DLG2: variants seen among roughly 807,000 people sequenced by gnomAD.
DLG2 encodes disks large homolog 2.
A neutral mutation model predicts 132.5 loss-of-function variants in DLG2; 45 were observed. The observed-to-expected ratio is 0.34, with a 90% CI of 0.27 to 0.44. The LOEUF (loss-of-function observed/expected upper bound fraction) is 0.44. DLG2 is among the 20% of genes least tolerant of loss of function. DLG2 has a pLI of 1.00. For synonymous variants in DLG2, 424 were observed against 419.6 expected, an observed-to-expected ratio of 1.01 and a Z score of -0.13; for missense variants, 1,045 against 1,196.9, an observed-to-expected ratio of 0.87 and a Z score of 1.87.
intron 5 of DLG2, among the ~76,000 whole-genome samples, chr11:85,132,428 T>A (rs1245656185): frequency 6.6e-6 from 1 of 152,060 alleles, no homozygotes; most frequent in Non-Finnish European, 1.5e-5. Context: ...ATATGTTAAG[T>A]TAAACTGATG....
chr11:84,362,341 C>T (rs924483299), intron 7 of DLG2, among the ~76,000 whole-genome samples: 1 of 151,926 alleles, frequency 6.6e-6, no homozygotes, highest in Non-Finnish European at 1.5e-5. Context: ...TAATCACTTC[C>T]TCCAAATTAA....
chr11:85,141,993 C>A (rs2076517830), intron 5 of DLG2, among the ~76,000 whole-genome samples: 1 of 151,818 alleles, frequency 6.6e-6, no homozygotes, highest in Admixed American at 6.6e-5. Context: ...TAATGCAATT[C>A]CTCCAGCTTT....
chr11:85,192,917 T>G (rs2080714665), intron 4 of DLG2, among the ~76,000 whole-genome samples: 1 of 152,218 alleles, frequency 6.6e-6, no homozygotes, highest in Non-Finnish European at 1.5e-5. Flanking sequence ...TTGTTCTCTT[T>G]AGGCTTTGAA....
At chr11:83,636,541 A>G (rs1299611603) in intron 18 of DLG2, among the ~76,000 whole-genome samples, 1 of 152,140 alleles carries the variant, frequency 6.6e-6, no homozygotes, top group Non-Finnish European at 1.5e-5. Flanking sequence ...ATTTCCGTCA[A>G]ATAACTACCA....
chr11:84,558,264 T>C (rs2099415956), intron 6 of DLG2, among the ~76,000 whole-genome samples: 1 of 152,194 alleles, frequency 6.6e-6, no homozygotes. Context: ...GTGTGCAGCA[T>C]TCACTGTCAG....
chr11:84,049,679 G>A (rs568466951), intron 11 of DLG2, among the ~76,000 whole-genome samples: 2 of 151,838 alleles, frequency 1.3e-5, no homozygotes, highest in African/African-American at 2.4e-5. Flanking sequence ...AATGACTTAG[G>A]GTTAGAATTA....
intron 14 of DLG2, among the ~76,000 whole-genome samples, chr11:83,930,916 T>C (rs1349642300): frequency 6.6e-6 from 1 of 152,336 alleles, no homozygotes; most frequent in Non-Finnish European, 1.5e-5. Flanking sequence ...CATAGTGGAA[T>C]ATAAAGATAG....
intron 3 of DLG2, among the ~76,000 whole-genome samples, chr11:85,446,829 A>T (rs1597403980): frequency 6.9e-6 from 1 of 145,556 alleles, no homozygotes; most frequent in Non-Finnish European, 1.5e-5. Flanking sequence ...GTGTGTGTTT[A>T]TATATTGATA....
rs1597442597 is a variant in DLG2 at position 84,758,351 on chromosome 11, G to A, written c.358-223620C>T. ...GTTGAATTCTGGCTCTTAACATTTA[G>A]ATATGACCTGAGACAAACTATTTGC... On this transcript the variant is annotated intron_variant, in intron 6 of 27. Coordinates refer to ENST00000376104, the MANE Select transcript of DLG2 (RefSeq NM_001142699.3). 2.6e-5 allele frequency among the ~76,000 whole-genome samples: 4 copies of A among 152,290 alleles called. 1 individual carries two copies. The highest frequency in any genetic ancestry group is 4.8e-5 in the African/African-American group (2 of 41,568).
intron 6 of DLG2, among the ~76,000 whole-genome samples, chr11:84,919,372 A>C (rs1213605296): frequency 1.3e-5 from 2 of 152,224 alleles, no homozygotes; most frequent in African/African-American, 4.8e-5. Context: ...TTGAAATCCC[A>C]AAAATCCATG....
At chr11:84,089,742 T>TA (rs1333313105) in intron 10 of DLG2, among the ~76,000 whole-genome samples, 1 of 152,222 alleles carries the variant, frequency 6.6e-6, no homozygotes, top group Non-Finnish European at 1.5e-5. Flanking sequence ...TCTTTTTTTT[T>TA]ATATCTTGTC....
intron 5 of DLG2, among the ~76,000 whole-genome samples, chr11:85,144,406 T>A (rs1046585459): frequency 6.6e-6 from 1 of 151,262 alleles, no homozygotes; most frequent in Admixed American, 6.6e-5. Context: ...GAAAGTTTAG[T>A]CCATTTATAG....
intron 6 of DLG2, among the ~76,000 whole-genome samples, chr11:84,995,347 G>A (rs547366264): frequency 1.3e-3 from 202 of 152,274 alleles, no homozygotes; most frequent in African/African-American, 4.7e-3. Context: ...TAAGATACAT[G>A]ATCTTGGAGA....
chr11:83,577,051 C>A (rs2096884178), intron 19 of DLG2, among the ~76,000 whole-genome samples: 2 of 152,098 alleles, frequency 1.3e-5, no homozygotes. Context: ...GAAGGCAGAT[C>A]CACCCTTAAT....
intron 6 of DLG2, among the ~76,000 whole-genome samples, chr11:84,893,074 T>A (rs978017815): frequency 6.6e-6 from 1 of 152,142 alleles, no homozygotes; most frequent in Non-Finnish European, 1.5e-5. Flanking sequence ...GTACTCTTCT[T>A]GTCAATAAAA....
intron 3 of DLG2, among the ~76,000 whole-genome samples, chr11:85,530,951 G>A (rs1205777901): frequency 6.6e-6 from 1 of 152,160 alleles, no homozygotes; most frequent in Non-Finnish European, 1.5e-5. Flanking sequence ...GGAAGAGTTA[G>A]GGGACCACTC....
At chr11:85,549,463 G>T (rs149562676) in intron 3 of DLG2, among the ~76,000 whole-genome samples, 2 of 152,062 alleles carry the variant, frequency 1.3e-5, no homozygotes, top group Non-Finnish European at 2.9e-5. Context: ...TATACTTTTC[G>T]ATAATGTCTA....
chr11:85,518,771 G>A (rs949510031), intron 3 of DLG2, among the ~76,000 whole-genome samples: 3 of 152,186 alleles, frequency 2.0e-5, no homozygotes, highest in African/African-American at 7.2e-5. Context: ...CGGAGGCCTA[G>A]GAGGAAAACA....
chr11:84,997,453 G>C (rs1022618085), intron 6 of DLG2: 1 of 152,116 alleles, frequency 6.6e-6, no homozygotes, highest in Admixed American at 6.6e-5. Flanking sequence ...GATGCATCTT[G>C]TTCCCAACTA....
Sources: gnomAD v4.1 joint callset for allele counts (sites outside exome capture counted in the v4.1 genomes callset) on GRCh38, gnomAD v4.1.1 for gene constraint, MANE v1.5 for transcripts, NCBI Gene and HGNC (gene_info 2026-07-23, HGNC 2026-07-21) for gene names.